Variants in SPATA17 observed in about 807,000 individuals in gnomAD.
SPATA17 encodes spermatogenesis associated 17.
In SPATA17, 53 loss-of-function variants were observed where a neutral mutation model predicts 62.2. The ratio of observed to expected loss-of-function variants is 0.85; its 90% confidence interval spans 0.68 to 1.07. SPATA17 has a LOEUF of 1.07. Among genes scored for constraint, SPATA17 ranks in the 50% least tolerant of loss-of-function variants. The pLI is 0.00. For missense variants in SPATA17, 466 were observed against 425.5 expected (o/e 1.10, Z -0.84); for synonymous variants, 146 against 146.8 (o/e 0.99, Z 0.04).
intron 1 of SPATA17, among the ~76,000 whole-genome samples, chr1:217,648,665 G>A (rs1030127079): frequency 1.3e-5 from 2 of 152,182 alleles, no homozygotes; most frequent in African/African-American, 4.8e-5. Flanking sequence ...AAGCAAAGCT[G>A]TTGAAAGCAC....
intron 8 of SPATA17, among the ~76,000 whole-genome samples, chr1:217,800,339 A>G (rs1674277638): frequency 6.6e-6 from 1 of 152,174 alleles, no homozygotes; most frequent in South Asian, 2.1e-4. Flanking sequence ...AGATGCAATC[A>G]GTCTTCTGAA....
At chr1:217,749,983 C>CTATATATA (rs1387385689) in intron 6 of SPATA17, among the ~76,000 whole-genome samples, 80 of 24,054 alleles carry the variant, frequency 3.3e-3, no homozygotes, top group Middle Eastern at 0.017. Context: ...CTCTCTCTCT[C>CTATATATA]TCTATATATA....
chr1:217,814,269 A>G (rs182965714), intron 9 of SPATA17, among the ~76,000 whole-genome samples: 12 of 152,294 alleles, frequency 7.9e-5, no homozygotes, highest in Admixed American at 5.2e-4. Flanking sequence ...AAATCTTTAT[A>G]TTTTGTAACT....
intron 9 of SPATA17, among the ~76,000 whole-genome samples, chr1:217,851,570 T>G (rs1675666212): frequency 6.6e-6 from 1 of 152,166 alleles, no homozygotes; most frequent in African/African-American, 2.4e-5. Context: ...AGTGAAATAT[T>G]TGTTGCATAA....
At chr1:217,704,284 C>A in intron 5 of SPATA17, among the ~76,000 whole-genome samples, 1 of 119,456 alleles carries the variant, frequency 8.4e-6, no homozygotes, top group Admixed American at 1.1e-4. Flanking sequence ...CGCTCTGTCG[C>A]CCAGGCCGGA....
At chr1:217,761,351 C>T (rs936670558) in intron 6 of SPATA17, among the ~76,000 whole-genome samples, 1 of 152,116 alleles carries the variant, frequency 6.6e-6, no homozygotes, top group Non-Finnish European at 1.5e-5. Flanking sequence ...ACTTTGCACT[C>T]TTGTTGTTTT....
intron 9 of SPATA17, among the ~76,000 whole-genome samples, chr1:217,821,890 A>G (rs1267784480): frequency 3.9e-5 from 6 of 152,182 alleles, no homozygotes; most frequent in Admixed American, 3.3e-4. Flanking sequence ...AGTTCCTAGA[A>G]ATGGGAATAA....
intron 3 of SPATA17, among the ~76,000 whole-genome samples, chr1:217,663,524 ATACTC>A (rs1670615696): frequency 6.6e-6 from 1 of 152,156 alleles, no homozygotes; most frequent in African/African-American, 2.4e-5. Context: ...TATGCACAAA[ATACTC>A]ATAATTACTT....
chr1:217,768,448 A>G (rs528431633), intron 6 of SPATA17, among the ~76,000 whole-genome samples: 1 of 150,540 alleles, frequency 6.6e-6, no homozygotes, highest in South Asian at 2.1e-4. Flanking sequence ...TTATAATTAT[A>G]TTGGTCTTGA....
chr1:217,762,423 T>C (rs573261927), intron 6 of SPATA17, among the ~76,000 whole-genome samples: 1 of 152,294 alleles, frequency 6.6e-6, no homozygotes, highest in Non-Finnish European at 1.5e-5. Flanking sequence ...GACTCCACAT[T>C]CTCTTACATT....
chr1:217,845,476 G>T (rs1675502684), intron 9 of SPATA17, among the ~76,000 whole-genome samples: 1 of 152,000 alleles, frequency 6.6e-6, no homozygotes, highest in Non-Finnish European at 1.5e-5. Context: ...AACTGGTACT[G>T]CCTTTACAGC....
intron 3 of SPATA17, among the ~76,000 whole-genome samples, chr1:217,657,069 A>T (rs187491575): frequency 1.8e-4 from 28 of 152,230 alleles, no homozygotes; most frequent in African/African-American, 6.3e-4. Flanking sequence ...ATTGTCTAAG[A>T]TGATGTGTTT....
chr1:217,641,544 G>A (rs1045939212), intron 1 of SPATA17, among the ~76,000 whole-genome samples: 10 of 151,622 alleles, frequency 6.6e-5, no homozygotes, highest in Non-Finnish European at 1.3e-4. Flanking sequence ...GGAGTTAATG[G>A]GACATTAAAA....
At chr1:217,809,437 G>C (rs1674526492) in intron 9 of SPATA17, among the ~76,000 whole-genome samples, 1 of 152,148 alleles carries the variant, frequency 6.6e-6, no homozygotes, top group African/African-American at 2.4e-5. Flanking sequence ...CACGGTTATG[G>C]AGTCTGAGAA....
chr1:217,756,833 T>C (rs1054939418), intron 6 of SPATA17, among the ~76,000 whole-genome samples: 8 of 152,230 alleles, frequency 5.3e-5, no homozygotes, highest in Non-Finnish European at 8.8e-5. Context: ...TTTTCATCTT[T>C]GAAATACCAG....
intron 9 of SPATA17, among the ~76,000 whole-genome samples, chr1:217,823,212 T>C (rs529517153): frequency 6.6e-6 from 1 of 152,118 alleles, no homozygotes; most frequent in Non-Finnish European, 1.5e-5. Flanking sequence ...CTGATATTTT[T>C]ACCTGGTTAT....
intron 6 of SPATA17, among the ~76,000 whole-genome samples, chr1:217,754,074 A>G (rs180722237): frequency 5.6e-4 from 85 of 151,136 alleles, no homozygotes; most frequent in Non-Finnish European, 9.5e-4. Flanking sequence ...CATCTCTACA[A>G]AAAAAAAATT....
intron 3 of SPATA17, among the ~76,000 whole-genome samples, chr1:217,659,837 T>G (rs1670528434): frequency 6.6e-6 from 1 of 152,164 alleles, no homozygotes; most frequent in Non-Finnish European, 1.5e-5. Flanking sequence ...TCAAATCATT[T>G]TTACTTTCCC....
intron 9 of SPATA17, among the ~76,000 whole-genome samples, chr1:217,833,421 G>A (rs1213993378): frequency 1.3e-5 from 2 of 152,278 alleles, no homozygotes; most frequent in African/African-American, 4.8e-5. Flanking sequence ...GTTAATAAGA[G>A]TGATGCAAGT....
Sources: allele counts gnomAD v4.1 joint callset (sites outside exome capture counted in the v4.1 genomes callset), GRCh38; gene constraint gnomAD v4.1.1; transcripts MANE v1.5; gene names NCBI Gene and HGNC (gene_info 2026-07-23, HGNC 2026-07-21).